DACH2: variants seen among roughly 807,000 people sequenced by gnomAD.
DACH2 encodes the protein dachshund homolog 2.
Under a neutral mutation model 35.8 loss-of-function variants are expected in DACH2, and 17 were observed. The observed-to-expected ratio is 0.48, with a 90% CI of 0.33 to 0.71. The LOEUF is 0.71. Among genes scored for constraint, DACH2 ranks in the 30% least tolerant of loss-of-function variants. The probability of loss-of-function intolerance (pLI) is 0.02; values close to 1 mark genes in which losing one functional copy is unlikely to be tolerated. For synonymous variants in DACH2, 195 were observed against 177.3 expected, an observed-to-expected ratio of 1.10 and a Z score of -0.79; for missense variants, 469 against 472.7, an observed-to-expected ratio of 0.99 and a Z score of 0.07.
intron 1 of DACH2, among the ~76,000 whole-genome samples, chrX:86,194,916 G>A (rs920778440): frequency 8.9e-6 from 1 of 112,446 alleles, no homozygotes; most frequent in Non-Finnish European, 1.9e-5. Context: ...GGCCTCTCCC[G>A]GGGCCCCATC....
intron 6 of DACH2, among the ~76,000 whole-genome samples, chrX:86,719,415 T>C (rs1011185871): frequency 8.9e-6 from 1 of 112,289 alleles, no homozygotes; most frequent in African/African-American, 3.2e-5. Flanking sequence ...CTGGGAAAAT[T>C]TGACTTCCCC....
intron 1 of DACH2, among the ~76,000 whole-genome samples, chrX:86,154,678 G>T (rs1440006604): frequency 9.0e-6 from 1 of 111,416 alleles, no homozygotes; most frequent in Non-Finnish European, 1.9e-5. Flanking sequence ...TGAGGCTGCA[G>T]ATGTTGCCCT....
At chrX:86,194,127 C>T (rs1422532778) in intron 1 of DACH2, among the ~76,000 whole-genome samples, 2 of 110,687 alleles carry the variant, frequency 1.8e-5, no homozygotes, top group Non-Finnish European at 3.8e-5. Flanking sequence ...AGAAACCAGG[C>T]TAGCCAAGTT....
chrX:86,358,661 G>C (rs769286442), intron 1 of DACH2, among the ~76,000 whole-genome samples: 7 of 111,385 alleles, frequency 6.3e-5, no homozygotes, highest in Non-Finnish European at 1.3e-4. Flanking sequence ...AGGTTAGGTA[G>C]TGGAAAAATT....
At chrX:86,444,553 C>A (rs1314851670) in intron 2 of DACH2, among the ~76,000 whole-genome samples, 1 of 111,698 alleles carries the variant, frequency 9.0e-6, no homozygotes, top group Non-Finnish European at 1.9e-5. Context: ...TGTATGAGTA[C>A]AGGAATTTAT....
At chrX:86,450,030 G>T (rs760050897) in intron 2 of DACH2, among the ~76,000 whole-genome samples, 2 of 111,317 alleles carry the variant, frequency 1.8e-5, no homozygotes, top group Non-Finnish European at 3.8e-5. Flanking sequence ...TCAGTTTGAA[G>T]AACTTCCTTT....
At chrX:86,540,039 T>G (rs1023920663) in intron 3 of DACH2, among the ~76,000 whole-genome samples, 2 of 111,857 alleles carry the variant, frequency 1.8e-5, no homozygotes, top group African/African-American at 6.5e-5. Context: ...CAAAGCAGCT[T>G]ATTTTTCTCA....
intron 1 of DACH2, among the ~76,000 whole-genome samples, chrX:86,221,754 AG>A (rs1391798910): frequency 8.9e-6 from 1 of 112,225 alleles, no homozygotes; most frequent in African/African-American, 3.2e-5. Flanking sequence ...TTAGTTTGCT[AG>A]GGCTGCCTTA....
At chrX:86,583,397 G>A (rs937764946) in intron 3 of DACH2, among the ~76,000 whole-genome samples, 3 of 110,648 alleles carry the variant, frequency 2.7e-5, no homozygotes, top group Admixed American at 1.9e-4. Context: ...GAAAGGCATC[G>A]AAATAGGTAG....
intron 4 of DACH2, among the ~76,000 whole-genome samples, chrX:86,683,705 T>G: frequency 8.9e-6 from 1 of 111,763 alleles, no homozygotes; most frequent in Admixed American, 9.6e-5. Context: ...TATTTTGTCC[T>G]TTATATTCTA....
intron 4 of DACH2, among the ~76,000 whole-genome samples, chrX:86,694,014 G>A (rs1002805585): frequency 6.3e-5 from 7 of 111,206 alleles, no homozygotes; most frequent in Admixed American, 1.9e-4. Flanking sequence ...TTAAATATAC[G>A]TATTTTACAG....
chrX:86,623,262 A>G (rs929473520), intron 3 of DACH2, among the ~76,000 whole-genome samples: 37 of 112,626 alleles, frequency 3.3e-4, no homozygotes, highest in African/African-American at 1.1e-3. Context: ...TGATATAGGG[A>G]CATTCAAAGA....
At chrX:86,818,404 T>A in intron 11 of DACH2, among the ~76,000 whole-genome samples, 1 of 111,050 alleles carries the variant, frequency 9.0e-6, no homozygotes, top group African/African-American at 3.3e-5. Flanking sequence ...TATCTAAAAA[T>A]CCCAATCATT....
intron 2 of DACH2, chrX:86,481,743 C>T (rs2037938964): frequency 9.0e-6 from 1 of 111,618 alleles, no homozygotes; most frequent in Non-Finnish European, 1.9e-5. Flanking sequence ...CTGGAAGATC[C>T]CTGGAGCTCA....
intron 7 of DACH2, among the ~76,000 whole-genome samples, chrX:86,778,394 G>A (rs1471179996): frequency 9.0e-6 from 1 of 110,874 alleles, no homozygotes; most frequent in Non-Finnish European, 1.9e-5. Context: ...CTGATGATTA[G>A]TGATATTGAG....
intron 2 of DACH2, among the ~76,000 whole-genome samples, chrX:86,406,223 A>T (rs2036525853): frequency 8.9e-6 from 1 of 112,167 alleles, no homozygotes; most frequent in South Asian, 3.7e-4. Context: ...AAAGAATGAG[A>T]TCATGTCCTT....
chrX:86,395,135 G>T (rs911956870), intron 2 of DACH2, among the ~76,000 whole-genome samples: 15 of 110,773 alleles, frequency 1.4e-4, no homozygotes, highest in Non-Finnish European at 2.6e-4. Context: ...TAACTGAAAG[G>T]TTACATGAAC....
chrX:86,626,774 T>C (rs1246111873), intron 3 of DACH2, among the ~76,000 whole-genome samples: 1 of 112,597 alleles, frequency 8.9e-6, no homozygotes, highest in African/African-American at 3.2e-5. Flanking sequence ...TCACTTTTAG[T>C]CATAGCTGAG....
In DACH2 at chrX:86,739,795, C is replaced by A. The variant is rs772118935; in HGVS notation, c.1153C>A (p.His385Asn). 2 of 1,192,189 alleles carry A rather than the reference C, an allele frequency of 1.7e-6. No homozygotes were observed. Among genetic ancestry groups the A allele is most frequent in the South Asian group, 3.7e-5 (2 of 54,387 alleles). Residue 385 changes from histidine to asparagine, a missense_variant, in exon 7 of 12, where the codon CAT becomes AAT. By Grantham distance (68) the His-to-Asn change is moderately conservative. This residue lies in a region of DACH2 where 363 missense variants were observed against 334.4 expected (regional missense o/e 1.09). Transcript: ENST00000373125. ...PSPAPSLEENHRPGSQTSSHT... is the reference protein window; with the variant it reads ...PSPAPSLEENNRPGSQTSSHT... ...TCCTGCTCCTTCTCTAGAAGAGAAT[C>A]ATCGTCCTGGGAGCCAGACCTCTTC...
Sources: allele counts gnomAD v4.1 joint callset (sites outside exome capture counted in the v4.1 genomes callset), GRCh38; gene constraint gnomAD v4.1.1; regional missense constraint gnomAD v4.1.1; transcripts MANE v1.5; gene names NCBI Gene and HGNC (gene_info 2026-07-23, HGNC 2026-07-21).